The following USP42 variants were observed in gnomAD, a reference collection of about 807,000 sequenced individuals.
USP42 encodes ubiquitin carboxyl-terminal hydrolase 42.
In USP42, 23 loss-of-function variants were observed where a neutral mutation model predicts 113.0. The observed-to-expected ratio is 0.20, with a 90% CI of 0.15 to 0.29. The LOEUF (loss-of-function observed/expected upper bound fraction) is 0.29. Among genes scored for constraint, USP42 ranks in the 10% least tolerant of loss-of-function variants. USP42 has a pLI of 1.00. For missense variants in USP42, 2,174 were observed against 1,779.8 expected, an observed-to-expected ratio of 1.22 and a Z score of -3.99; for synonymous variants, 933 against 699.0, an observed-to-expected ratio of 1.33 and a Z score of -5.28.
At chr7:6,121,712 T>A (rs1223337486) in intron 3 of USP42, among the ~76,000 whole-genome samples, 1 of 152,226 alleles carries the variant, frequency 6.6e-6, no homozygotes, top group Non-Finnish European at 1.5e-5. Context: ...TTGCCCAGGC[T>A]GGAGTACAGT....
At chr7:6,131,762 CTCTT>C (rs932784459) in intron 3 of USP42, among the ~76,000 whole-genome samples, 50 of 152,272 alleles carry the variant, frequency 3.3e-4, no homozygotes, top group Non-Finnish European at 6.8e-4. Context: ...CGTAGCATGT[CTCTT>C]TCTCTTTCTA....
intron 1 of USP42, among the ~76,000 whole-genome samples, chr7:6,105,488 C>T (rs980175334): frequency 1.1e-5 from 1 of 87,524 alleles, no homozygotes; most frequent in Non-Finnish European, 2.3e-5. Context: ...CCCCGCGTGG[C>T]TGCCACCTCC....
chr7:6,091,265 C>T, the USP42 span, among the ~76,000 whole-genome samples: 1 of 150,770 alleles, frequency 6.6e-6, no homozygotes, highest in Admixed American at 6.6e-5. Context: ...TGCTCTGTTG[C>T]CCAGGCTGGA....
rs892815339 is a variant in USP42 at position 6,161,112 on chromosome 7, C to G, written c.*594C>G. ...TGTTTTTGAACTTTGTGGAACTGTT[C>G]CAATCAATCAATTTCCCAGTTATGA... is the stretch of plus-strand genomic sequence containing the variant. On this transcript the variant is annotated 3_prime_UTR_variant, in exon 18 of 18. Transcript: ENST00000306177. The G allele has an allele frequency of 8.5e-5, 13 of 152,558 alleles. No individual in the cohort carries two copies. Among genetic ancestry groups the G allele is most frequent in the African/African-American group, 3.1e-4 (13 of 41,404 alleles). The allele number at this position is 152,558 out of a possible 1,614,324, so 9.5% of individuals were successfully genotyped here. A position where few individuals can be genotyped will look rare whatever the true frequency, so the allele number is the denominator to read the frequency against.
chr7:6,131,374 C>T (rs907589270), intron 3 of USP42, among the ~76,000 whole-genome samples: 11 of 151,816 alleles, frequency 7.2e-5, no homozygotes, highest in Admixed American at 4.6e-4. Flanking sequence ...ACTCGAGAGA[C>T]GGGTGGGGAG....
chr7:6,106,035 T>C (rs1779260028), intron 1 of USP42, among the ~76,000 whole-genome samples: 1 of 152,138 alleles, frequency 6.6e-6, no homozygotes, highest in Non-Finnish European at 1.5e-5. Context: ...TTTCGAAGAG[T>C]TGTACATTTT....
chr7:6,123,125 C>A (rs140975658), intron 3 of USP42, among the ~76,000 whole-genome samples: 2 of 152,190 alleles, frequency 1.3e-5, no homozygotes, highest in Non-Finnish European at 2.9e-5. Flanking sequence ...TGCACCTGGC[C>A]TGTTATGCCC....
chr7:6,082,603 GTTTTTTTTTTTT>G, the USP42 span, among the ~76,000 whole-genome samples: 26,821 of 90,874 alleles, frequency 0.3, 3,349 homozygotes, highest in Middle Eastern at 0.48. Context: ...CTTTCTTTCT[GTTTTTTTTTTTT>G]TTTTTTTTTT....
intron 11 of USP42, 148 bp downstream of exon 11, chr7:6,146,396 A>G: frequency 1.6e-6 from 1 of 628,712 alleles, no homozygotes; most frequent in Non-Finnish European, 2.7e-6. Context: ...ATGGTGCCTC[A>G]CGCCTATAAT....
chr7:6,121,876 G>C (rs1290643012), intron 3 of USP42, among the ~76,000 whole-genome samples: 1 of 152,122 alleles, frequency 6.6e-6, no homozygotes, highest in Non-Finnish European at 1.5e-5. Context: ...GCCCAGGGTA[G>C]TCTTGAACTC....
rs930912798 is a variant in USP42 at position 6,115,249 on chromosome 7, G to C, written c.242-74G>C. 3 of 1,453,412 alleles carry C rather than the reference G, an allele frequency of 2.1e-6. No individual in the cohort carries two copies. In the East Asian group the frequency reaches 6.8e-5, roughly 33 times the overall value. The allele number at this position is 1,453,412 out of a possible 1,614,324, so 90.0% of individuals were successfully genotyped here. The stretch of plus-strand genomic sequence containing the variant: ...TCGGATCTTGTAAAGATTGAGGTTT[G>C]ACCAGGTGTTACTATTTATTTAGCT... On this transcript the variant is annotated intron_variant, in intron 2 of 17. Transcript: ENST00000306177.
intron 8 of USP42, among the ~76,000 whole-genome samples, chr7:6,143,557 C>T (rs1781545204): frequency 6.6e-6 from 1 of 152,072 alleles, no homozygotes. Flanking sequence ...AAGTAGATTT[C>T]CACTTTGTGG....
rs1192060634 is a variant in USP42, at chr7:6,154,849, G to A, written c.3295G>A (p.Gly1099Ser). 4 of 1,532,802 alleles carry A rather than the reference G, an allele frequency of 2.6e-6. No individual in the cohort carries two copies. The African/African-American group carries it at 4.2e-5, about 16-fold the overall frequency. The allele number at this position is 1,532,802 out of a possible 1,614,324, so 95.0% of individuals were successfully genotyped here. ...HERPHKDHNR[G>S]RRGCEPARER... ...GCGGCCGCACAAGGACCACAACCGG[G>A]GCCGTAGGGGCTGCGAGCCGGCCCG... The change falls in exon 15 of 18, where the codon GGC becomes AGC. Residue 1099 changes from glycine (G) to serine (S), a missense_variant. Gly to Ser is a moderately conservative substitution (Grantham distance 56, BLOSUM62 0). Coordinates refer to ENST00000306177, the MANE Select transcript of USP42 (RefSeq NM_032172.3).
intron 7 of USP42, among the ~76,000 whole-genome samples, chr7:6,142,458 T>C (rs1304833082): frequency 6.6e-6 from 1 of 152,212 alleles, no homozygotes; most frequent in African/African-American, 2.4e-5. Flanking sequence ...CCTCATGATC[T>C]GCCTGCCTTG....
rs781248612 is a variant in USP42 at position 6,154,591 on chromosome 7, T to G, written c.3037T>G (p.Ser1013Ala). The stretch of plus-strand genomic sequence containing the variant: ...CAGGCTCAGCCCTGGCGAGCGCCGC[T>G]CTCTGGGCAGGTGCAGTCACCACCA... ...GDRLSPGERR[S>A]LGRCSHHHSR... Residue 1013 changes from serine (S) to alanine (A), a missense_variant, in exon 15 of 18, where the codon TCT becomes GCT. By Grantham distance (99) the Ser-to-Ala change is moderately conservative. Coordinates refer to ENST00000306177, the MANE Select transcript of USP42 (RefSeq NM_032172.3). 3.8e-5 allele frequency: 60 copies of G among 1,576,128 alleles called. No homozygotes were observed. The Middle Eastern group carries it at 6.7e-4, about 17-fold the overall frequency.
At chr7:6,083,554 C>A in the USP42 span, among the ~76,000 whole-genome samples, 1 of 150,312 alleles carries the variant, frequency 6.7e-6, no homozygotes, top group African/African-American at 2.5e-5. Context: ...CCACACCTAG[C>A]CTTAAATACA....
chr7:6,104,571 C>T (rs969709191), upstream of USP42, among the ~76,000 whole-genome samples: 12 of 152,214 alleles, frequency 7.9e-5, no homozygotes, highest in African/African-American at 2.7e-4. Context: ...TGGGGTCAAG[C>T]GCAGGACGAG....
At chr7:6,081,779 T>C in the USP42 span, 1 of 152,234 alleles carries the variant, frequency 6.6e-6, no homozygotes, top group African/African-American at 2.4e-5. Context: ...TCCTCCCTGC[T>C]GTTCACGAGG....
intron 3 of USP42, among the ~76,000 whole-genome samples, chr7:6,121,920 A>G (rs188286970): frequency 8.3e-4 from 126 of 152,252 alleles, no homozygotes; most frequent in African/African-American, 2.9e-3. Context: ...CTTGGCCTCC[A>G]AAAGTGCTAG....
Sources: allele counts gnomAD v4.1 joint callset (sites outside exome capture counted in the v4.1 genomes callset), GRCh38; gene constraint gnomAD v4.1.1; transcripts MANE v1.5; gene names NCBI Gene and HGNC (gene_info 2026-07-23, HGNC 2026-07-21).